ARHGAP10: variants seen among roughly 807,000 people sequenced by gnomAD.
The protein encoded by ARHGAP10 is Rho GTPase activating protein 10.
A neutral mutation model predicts 108.6 loss-of-function variants in ARHGAP10; 87 were observed. That is an observed-to-expected ratio of 0.80 (90% CI 0.67 to 0.96). The LOEUF is 0.96. Among genes scored for constraint, ARHGAP10 ranks in the 40% least tolerant of loss-of-function variants. The probability of loss-of-function intolerance (pLI) is 0.00; values close to 1 mark genes in which losing one functional copy is unlikely to be tolerated. For synonymous variants in ARHGAP10, 347 were observed against 341.1 expected, an observed-to-expected ratio of 1.02 and a Z score of -0.19; for missense variants, 939 against 954.5, an observed-to-expected ratio of 0.98 and a Z score of 0.21.
intron 18 of ARHGAP10, among the ~76,000 whole-genome samples, chr4:148,008,624 T>C (rs955786187): frequency 2.0e-5 from 3 of 152,116 alleles, no homozygotes; most frequent in Non-Finnish European, 4.4e-5. Context: ...AGCAGATTAA[T>C]GTAGTTCTAC....
At position 147,967,277 on chromosome 4, in the gene ARHGAP10, G is replaced by A. The variant is rs150726109; in HGVS notation, c.1716+438G>A. ...GTGAGATGGGGCCAGAGGACCATGA[G>A]CATCATTGAGAGTAGGGGTTGAGGG... On this transcript the variant is annotated intron_variant, in intron 18 of 22. Coordinates refer to ENST00000336498, the MANE Select transcript of ARHGAP10 (RefSeq NM_024605.4). 1.7e-3 allele frequency among the ~76,000 whole-genome samples: 262 copies of A among 152,348 alleles called. 6 individuals are homozygous for A. Among genetic ancestry groups the A allele is most frequent in the Admixed American group, 0.015 (232 of 15,304 alleles).
At chr4:148,046,743 TA>T in intron 19 of ARHGAP10, 148 bp from the exon 20 acceptor site, 1 of 684,688 alleles carries the variant, frequency 1.5e-6, no homozygotes, top group Non-Finnish European at 2.3e-6. Flanking sequence ...AAAAAAAATG[TA>T]AAGACAGGAC....
At chr4:148,061,105 T>C (rs1480698274) in intron 20 of ARHGAP10, among the ~76,000 whole-genome samples, 4 of 152,092 alleles carry the variant, frequency 2.6e-5, no homozygotes, top group Non-Finnish European at 5.9e-5. Flanking sequence ...CCTTTTTTTT[T>C]TTTAAAGAAA....
intron 1 of ARHGAP10, among the ~76,000 whole-genome samples, chr4:147,783,498 A>G (rs1429055279): frequency 1.4e-5 from 2 of 147,704 alleles, no homozygotes; most frequent in Non-Finnish European, 3.0e-5. Context: ...ACATTAAATT[A>G]TGTATTGTAT....
At chr4:147,804,716 T>C (rs928006298) in intron 1 of ARHGAP10, among the ~76,000 whole-genome samples, 5 of 152,226 alleles carry the variant, frequency 3.3e-5, no homozygotes, top group African/African-American at 9.6e-5. Flanking sequence ...TAGTTTTGAT[T>C]TGCATTTTTC....
At chr4:147,975,838 T>A (rs1405441283) in intron 18 of ARHGAP10, among the ~76,000 whole-genome samples, 1 of 152,236 alleles carries the variant, frequency 6.6e-6, no homozygotes, top group Non-Finnish European at 1.5e-5. Flanking sequence ...ACCAGAATAA[T>A]GTTACGTGCA....
intron 18 of ARHGAP10, among the ~76,000 whole-genome samples, chr4:147,969,758 A>G (rs541784529): frequency 1.3e-5 from 2 of 152,324 alleles, no homozygotes; most frequent in East Asian, 3.9e-4. Context: ...GCCTGTTACA[A>G]TAGTTACAGC....
At chr4:147,822,618 A>G in intron 1 of ARHGAP10, 109 bp from the exon 2 acceptor site, 1 of 1,097,762 alleles carries the variant, frequency 9.1e-7, no homozygotes, top group Non-Finnish European at 1.3e-6. Context: ...CTTCTCATAG[A>G]TTGAGCGGAG....
chr4:147,973,805 C>T (rs1171152644), intron 18 of ARHGAP10, among the ~76,000 whole-genome samples: 1 of 152,134 alleles, frequency 6.6e-6, no homozygotes, highest in East Asian at 1.9e-4. Context: ...CTTTCTATGC[C>T]TGACTTATTT....
rs1472766188 is a variant in ARHGAP10, at chr4:147,850,926, A to G, written c.384+3704A>G. Among the ~76,000 whole-genome samples the G allele has an allele frequency of 4.6e-5, 7 of 152,216 alleles. No individual in the cohort carries two copies. In the South Asian group the frequency reaches 1.0e-3, roughly 23 times the overall value. On this transcript the variant is annotated intron_variant, in intron 4 of 22. Coordinates refer to ENST00000336498, the MANE Select transcript of ARHGAP10 (RefSeq NM_024605.4). ...ACAGATCCTGAACAACTTAGGGGCCAAGTATGTTGAACAAAAACTCTGAGA... is the reference window on the plus strand; with the variant it reads ...ACAGATCCTGAACAACTTAGGGGCCGAGTATGTTGAACAAAAACTCTGAGA...
intron 10 of ARHGAP10, among the ~76,000 whole-genome samples, chr4:147,894,162 A>C (rs1235812590): frequency 2.0e-5 from 3 of 152,130 alleles, no homozygotes; most frequent in African/African-American, 4.8e-5. Flanking sequence ...TTGCTGGGGT[A>C]TGGTATATGT....
chr4:147,770,397 C>T (rs1730028573), intron 1 of ARHGAP10, among the ~76,000 whole-genome samples: 1 of 151,998 alleles, frequency 6.6e-6, no homozygotes, highest in Admixed American at 6.6e-5. Context: ...TGGTGGTGGG[C>T]GCCTGTAATC....
At chr4:148,052,968 G>GAA (rs1211417672) in intron 20 of ARHGAP10, among the ~76,000 whole-genome samples, 1 of 152,132 alleles carries the variant, frequency 6.6e-6, no homozygotes, top group Non-Finnish European at 1.5e-5. Flanking sequence ...TGAGGCTGCA[G>GAA]AAAAAGTATT....
At chr4:147,870,953 T>A in intron 7 of ARHGAP10, among the ~76,000 whole-genome samples, 1 of 151,190 alleles carries the variant, frequency 6.6e-6, no homozygotes, top group East Asian at 1.9e-4. Context: ...TGTGTGTGTG[T>A]GTGTGTGTGT....
intron 14 of ARHGAP10, 43 bp downstream of exon 14, chr4:147,939,942 A>G (rs1738109128): frequency 1.3e-6 from 2 of 1,503,548 alleles, no homozygotes; most frequent in Admixed American, 1.7e-5. Flanking sequence ...TTATTTGTGT[A>G]TGTTCATTGA....
intron 20 of ARHGAP10, among the ~76,000 whole-genome samples, chr4:148,057,029 A>G (rs775196980): frequency 6.6e-6 from 1 of 152,192 alleles, no homozygotes; most frequent in Non-Finnish European, 1.5e-5. Flanking sequence ...TGCTCAGCCA[A>G]GTTTCAGTTG....
intron 14 of ARHGAP10, among the ~76,000 whole-genome samples, chr4:147,944,089 C>T (rs779974436): frequency 1.3e-5 from 2 of 152,156 alleles, no homozygotes; most frequent in Non-Finnish European, 2.9e-5. Context: ...AAAATGTTAT[C>T]TGACTTGTAT....
intron 20 of ARHGAP10, among the ~76,000 whole-genome samples, chr4:148,055,061 T>G (rs954559003): frequency 6.6e-6 from 1 of 152,212 alleles, no homozygotes; most frequent in East Asian, 1.9e-4. Context: ...AGTTCAGCCC[T>G]CTTACCTGAT....
chr4:147,758,987 A>AG (rs1262709231), intron 1 of ARHGAP10, among the ~76,000 whole-genome samples: 1 of 151,916 alleles, frequency 6.6e-6, no homozygotes, highest in Non-Finnish European at 1.5e-5. Flanking sequence ...AAAAAAAAAA[A>AG]AAAACCGAAA....
Sources: gnomAD v4.1 joint callset for allele counts (sites outside exome capture counted in the v4.1 genomes callset) on GRCh38, gnomAD v4.1.1 for gene constraint, MANE v1.5 for transcripts, NCBI Gene and HGNC (gene_info 2026-07-23, HGNC 2026-07-21) for gene names.